The following GRM7 variants were observed in gnomAD, a reference collection of about 807,000 sequenced individuals.
The protein encoded by GRM7 is glutamate metabotropic receptor 7.
GRM7 carries 35 observed loss-of-function variants against 84.5 expected under a neutral mutation model. The observed-to-expected ratio is 0.41, with a 90% CI of 0.32 to 0.55. The LOEUF (loss-of-function observed/expected upper bound fraction) is 0.55, where lower values mean the gene tolerates loss of function less well. Among genes scored for constraint, GRM7 ranks in the 20% least tolerant of loss-of-function variants. The pLI, the probability that GRM7 is intolerant of heterozygous loss-of-function variation, is 0.19. For missense variants in GRM7, 1,003 were observed against 1,194.6 expected, an observed-to-expected ratio of 0.84 and a Z score of 2.36; for synonymous variants, 487 against 455.1, an observed-to-expected ratio of 1.07 and a Z score of -0.89.
intron 7 of GRM7, among the ~76,000 whole-genome samples, chr3:7,472,484 C>T (rs894202341): frequency 1.4e-4 from 21 of 152,100 alleles, no homozygotes; most frequent in African/African-American, 4.6e-4. Context: ...ATATAGAATC[C>T]CCCACTGAGT....
At chr3:7,331,119 T>C (rs1025722545) in intron 4 of GRM7, among the ~76,000 whole-genome samples, 21 of 152,226 alleles carry the variant, frequency 1.4e-4, no homozygotes, top group African/African-American at 4.6e-4. Context: ...AGATCGGGGA[T>C]CCATGTCTCT....
chr3:7,107,100 A>G (rs1038912022), intron 1 of GRM7, among the ~76,000 whole-genome samples: 5 of 152,074 alleles, frequency 3.3e-5, no homozygotes, highest in Non-Finnish European at 7.4e-5. Flanking sequence ...CTGACAGGCT[A>G]GGAAAGACTC....
rs553371964 is a variant in GRM7 at position 7,375,498 on chromosome 3, G to A, written c.1034-39525G>A. Among the ~76,000 whole-genome samples, 13 of 152,148 alleles carry A rather than the reference G, an allele frequency of 8.5e-5. No individual in the cohort carries two copies. In the South Asian group the frequency reaches 1.2e-3, roughly 15 times the overall value. On this transcript the variant is annotated intron_variant, in intron 4 of 9. Transcript: ENST00000357716. ...CTCCCAAAGTGCTGGGATTACAGGC[G>A]TGAGCCACCGTGCCCGGCCCCCTTC...
At chr3:7,614,501 C>T (rs1466561430) in intron 8 of GRM7, among the ~76,000 whole-genome samples, 1 of 152,150 alleles carries the variant, frequency 6.6e-6, no homozygotes, top group Non-Finnish European at 1.5e-5. Flanking sequence ...TAGCATTTTC[C>T]TTTCAACTGT....
chr3:6,985,393 C>T (rs187526612), intron 1 of GRM7, among the ~76,000 whole-genome samples: 9 of 152,178 alleles, frequency 5.9e-5, no homozygotes, highest in Non-Finnish European at 1.3e-4. Context: ...TCATTCTACT[C>T]TCTGTATTGA....
At chr3:7,705,894 A>G (rs1701371196) in intron 9 of GRM7, among the ~76,000 whole-genome samples, 1 of 152,228 alleles carries the variant, frequency 6.6e-6, no homozygotes, top group African/African-American at 2.4e-5. Flanking sequence ...CATGATCTAA[A>G]TTATGTATCT....
chr3:7,019,250 A>T (rs922461223), intron 1 of GRM7, among the ~76,000 whole-genome samples: 11 of 152,154 alleles, frequency 7.2e-5, no homozygotes, highest in African/African-American at 2.4e-4. Flanking sequence ...CACTATCAAC[A>T]TCTCCCATCA....
chr3:7,668,031 A>G (rs916464431), intron 8 of GRM7, among the ~76,000 whole-genome samples: 1 of 152,200 alleles, frequency 6.6e-6, no homozygotes, highest in African/African-American at 2.4e-5. Flanking sequence ...TTGGATTTTC[A>G]TTGTTGCCAC....
chr3:7,707,044 T>C (rs1451100569), intron 9 of GRM7, among the ~76,000 whole-genome samples: 1 of 152,168 alleles, frequency 6.6e-6, no homozygotes, highest in Non-Finnish European at 1.5e-5. Context: ...AAATCAATAC[T>C]GCATTGAAAT....
chr3:7,611,000 T>G (rs1472511015), intron 8 of GRM7, among the ~76,000 whole-genome samples: 1 of 152,174 alleles, frequency 6.6e-6, no homozygotes, highest in Non-Finnish European at 1.5e-5. Flanking sequence ...TGTCTGTCCT[T>G]AAATATTTAG....
intron 2 of GRM7, among the ~76,000 whole-genome samples, chr3:7,165,078 C>T (rs1170639521): frequency 1.3e-5 from 2 of 152,212 alleles, no homozygotes; most frequent in Non-Finnish European, 2.9e-5. Context: ...GAAAGCCACA[C>T]GTAACTGATA....
At chr3:6,924,222 A>G (rs1697222801) in intron 1 of GRM7, among the ~76,000 whole-genome samples, 1 of 152,202 alleles carries the variant, frequency 6.6e-6, no homozygotes, top group African/African-American at 2.4e-5. Flanking sequence ...GGAAGTTTGC[A>G]ATGGTCCGTT....
chr3:7,368,526 G>T (rs1291581498), intron 4 of GRM7, among the ~76,000 whole-genome samples: 1 of 151,960 alleles, frequency 6.6e-6, no homozygotes, highest in East Asian at 1.9e-4. Context: ...TTCATGCCTT[G>T]GGATTGCTTT....
chr3:7,344,133 T>C (rs1692780925), intron 4 of GRM7, among the ~76,000 whole-genome samples: 1 of 152,142 alleles, frequency 6.6e-6, no homozygotes, highest in African/African-American at 2.4e-5. Context: ...AAGCGCAGGT[T>C]TATTACATAG....
rs76657127 is a variant in GRM7 at position 6,919,877 on chromosome 3, C to A, written c.519+57970C>A. ...TTTTCATACAGGAATGTGCCTGTTC[C>A]ACTTTGAGATGCTCAACCAGGTGAG... On this transcript the variant is annotated intron_variant, in intron 1 of 9. Transcript: ENST00000357716. Among the ~76,000 whole-genome samples the A allele has an allele frequency of 1.5e-4, 23 of 152,202 alleles. No individual in the cohort carries two copies. The East Asian group carries it at 2.1e-3, about 14-fold the overall frequency.
chr3:7,443,291 A>G (rs147469632), intron 5 of GRM7, among the ~76,000 whole-genome samples: 3 of 152,240 alleles, frequency 2.0e-5, no homozygotes, highest in Non-Finnish European at 4.4e-5. Flanking sequence ...ATATGGTTTT[A>G]TTTTAAACAC....
chr3:7,591,403 G>A (rs1052353364), intron 8 of GRM7: 13 of 420,518 alleles, frequency 3.1e-5, no homozygotes, highest in Admixed American at 1.4e-4. Flanking sequence ...GTGGGAAAAC[G>A]AATATTTTTA....
chr3:7,585,761 T>C (rs2125058919), intron 8 of GRM7, among the ~76,000 whole-genome samples: 1 of 152,202 alleles, frequency 6.6e-6, no homozygotes, highest in East Asian at 1.9e-4. Flanking sequence ...AACTGACACA[T>C]CTCTGTTCCC....
chr3:7,026,625 T>C (rs1391200823), intron 1 of GRM7, among the ~76,000 whole-genome samples: 1 of 152,164 alleles, frequency 6.6e-6, no homozygotes, highest in Non-Finnish European at 1.5e-5. Flanking sequence ...GGAAAAATGC[T>C]CAATTATGCA....
Sources: gnomAD v4.1 joint callset for allele counts (sites outside exome capture counted in the v4.1 genomes callset) on GRCh38, gnomAD v4.1.1 for gene constraint, MANE v1.5 for transcripts, NCBI Gene and HGNC (gene_info 2026-07-23, HGNC 2026-07-21) for gene names.